METRNL: variants seen among roughly 807,000 people sequenced by gnomAD.
The protein encoded by METRNL is meteorin-like protein.
In METRNL, 9 loss-of-function variants were observed where a neutral mutation model predicts 17.4. The observed-to-expected ratio is 0.52, with a 90% CI of 0.31 to 0.90. The LOEUF (loss-of-function observed/expected upper bound fraction) is 0.90. Ranked by LOEUF, METRNL falls within the 40% of genes least tolerant of loss-of-function variation. The pLI, the probability that METRNL is intolerant of heterozygous loss-of-function variation, is 0.05. For synonymous variants in METRNL, 215 were observed against 199.3 expected, an observed-to-expected ratio of 1.08 and a Z score of -0.66; for missense variants, 408 against 430.7, an observed-to-expected ratio of 0.95 and a Z score of 0.47.
At chr17:83,086,773 G>A (rs980379753) in intron 2 of METRNL, among the ~76,000 whole-genome samples, 2 of 152,174 alleles carry the variant, frequency 1.3e-5, no homozygotes, top group African/African-American at 4.8e-5. Flanking sequence ...TCCCTGCCAC[G>A]CACACCTGGA....
chr17:83,088,011 C>T lies in METRNL; in HGVS notation c.556+2688C>T, dbSNP rs559566427. Reference sequence around the variant, plus strand: ...TCGTGGTGCGTTCATGCTGCATAATCGGCTTCCTTGAGTAAACTGAGACAC... The same window carrying T: ...TCGTGGTGCGTTCATGCTGCATAATTGGCTTCCTTGAGTAAACTGAGACAC... On this transcript the variant is annotated intron_variant, in intron 2 of 3. Transcript: ENST00000320095. 5.9e-5 allele frequency among the ~76,000 whole-genome samples: 9 copies of T among 152,324 alleles called. No individual in the cohort carries two copies. In the South Asian group the frequency reaches 1.7e-3, roughly 28 times the overall value.
chr17:83,086,982 T>C (rs1180753342), intron 2 of METRNL, among the ~76,000 whole-genome samples: 1 of 151,698 alleles, frequency 6.6e-6, no homozygotes, highest in Non-Finnish European at 1.5e-5. Context: ...GGGAGAGGCA[T>C]GGGATGGTAG....
chr17:83,081,060 C>T (rs2037980448), intron 1 of METRNL, among the ~76,000 whole-genome samples: 1 of 151,784 alleles, frequency 6.6e-6, no homozygotes, highest in Non-Finnish European at 1.5e-5. Context: ...GCGGAGCCTC[C>T]CCGGGGGAAG....
chr17:83,081,100 C>T (rs1165416568), intron 1 of METRNL, among the ~76,000 whole-genome samples: 6 of 151,784 alleles, frequency 4.0e-5, no homozygotes, highest in Non-Finnish European at 1.5e-5. Context: ...AGAGTCGCCC[C>T]GAGGGCCGTG....
chr17:83,083,055 A>G (rs1250863988), intron 1 of METRNL, among the ~76,000 whole-genome samples: 1 of 152,002 alleles, frequency 6.6e-6, no homozygotes, highest in Non-Finnish European at 1.5e-5. Flanking sequence ...TTCTGTGTCC[A>G]CCTTCATTTT....
chr17:83,079,851 G>C lies in METRNL; in HGVS notation c.36G>C (p.Ala12=). The part of the protein sequence containing the change: ...RGAARAAWGR[A]GQPWPRPPAP... ...CGGCGCGGGCGGCCTGGGGGCGCGC[G>C]GGGCAGCCGTGGCCGCGACCCCCCG... is the stretch of plus-strand genomic sequence containing the variant. The change falls in exon 1 of 4, where the codon GCG becomes GCC. Residue 12 remains alanine, a synonymous_variant. Coordinates refer to ENST00000320095, the MANE Select transcript of METRNL (RefSeq NM_001004431.3). 2.1e-6 allele frequency: 2 copies of C among 975,534 alleles called. No homozygotes were observed. Among genetic ancestry groups the C allele is most frequent in the Non-Finnish European group, 2.4e-6 (2 of 823,980 alleles). The allele number at this position is 975,534 out of a possible 1,614,324, so 60.4% of individuals were successfully genotyped here. A position where few individuals can be genotyped will look rare whatever the true frequency, so the allele number is the denominator to read the frequency against.
intron 2 of METRNL, among the ~76,000 whole-genome samples, chr17:83,087,599 G>T (rs1242598806): frequency 6.6e-6 from 1 of 152,240 alleles, no homozygotes; most frequent in Non-Finnish European, 1.5e-5. Flanking sequence ...CTGCAGGAAT[G>T]GGTACATAAT....
chr17:83,091,784 G>A (rs2038140254), intron 2 of METRNL, among the ~76,000 whole-genome samples: 1 of 152,218 alleles, frequency 6.6e-6, no homozygotes, highest in South Asian at 2.1e-4. Context: ...ACGTGAAATG[G>A]CACCGGCGAA....
In METRNL at chr17:83,085,330, G is replaced by A. The variant is rs752515718; in HGVS notation, c.556+7G>A. 2.6e-6 allele frequency: 4 copies of A among 1,515,916 alleles called. No homozygotes were observed. Among genetic ancestry groups the A allele is most frequent in the Non-Finnish European group, 2.6e-6 (3 of 1,132,610 alleles). 93.9% of individuals were successfully genotyped at this position (1,515,916 alleles called of 1,614,324 possible). ...GACCTGCACGAGCTGTCTGGTGAGT[G>A]TCCTGCCTGGGGCGGGGGCGGCGGG... On this transcript the variant is annotated splice_region_variant and intron_variant, in intron 2 of 3. Coordinates refer to ENST00000320095, the MANE Select transcript of METRNL (RefSeq NM_001004431.3).
At chr17:83,084,771 G>C (rs981543511) in intron 1 of METRNL, 167 bp from the exon 2 acceptor site, 2 of 767,566 alleles carry the variant, frequency 2.6e-6, no homozygotes, top group South Asian at 3.6e-5. Context: ...AGATGGCGCC[G>C]GCCTGCCTCA....
chr17:83,084,147 C>T (rs2038020963), intron 1 of METRNL: 1 of 152,190 alleles, frequency 6.6e-6, no homozygotes, highest in Non-Finnish European at 1.5e-5. Flanking sequence ...AAGTTCGCCT[C>T]GCTTTTGTGG....
At chr17:83,085,386 G>T (rs935783999) in intron 2 of METRNL, 63 bp downstream of exon 2, 7 of 1,498,158 alleles carry the variant, frequency 4.7e-6, no homozygotes, top group African/African-American at 1.4e-5. Context: ...TGATGTGGCA[G>T]GTGTCTCTGA....
At chr17:83,087,665 C>G (rs955752857) in intron 2 of METRNL, among the ~76,000 whole-genome samples, 1 of 152,176 alleles carries the variant, frequency 6.6e-6, no homozygotes, top group Non-Finnish European at 1.5e-5. Context: ...TGGGCCAGGC[C>G]GGCTCCCCAG....
chr17:83,081,897 C>T (rs1023825932), intron 1 of METRNL, among the ~76,000 whole-genome samples: 1 of 152,226 alleles, frequency 6.6e-6, no homozygotes, highest in Non-Finnish European at 1.5e-5. Flanking sequence ...GTGCGCTGGC[C>T]TGCCTGCTAC....
intron 2 of METRNL, among the ~76,000 whole-genome samples, chr17:83,092,952 T>C (rs1056342958): frequency 1.1e-4 from 17 of 152,236 alleles, no homozygotes; most frequent in South Asian, 2.1e-4. Flanking sequence ...GACCCCGTCG[T>C]GGTCGAGGTT....
intron 2 of METRNL, among the ~76,000 whole-genome samples, chr17:83,088,206 C>A (rs184244694): frequency 2.2e-3 from 334 of 152,354 alleles, no homozygotes; most frequent in African/African-American, 7.8e-3. Flanking sequence ...CGGACGCCTT[C>A]CTTGGATGCT....
At chr17:83,084,183 T>C (rs904141047) in intron 1 of METRNL, 4 of 152,246 alleles carry the variant, frequency 2.6e-5, no homozygotes, top group African/African-American at 9.6e-5. Context: ...TGATAGCTTA[T>C]ATTTACAAAT....
intron 1 of METRNL, chr17:83,081,986 C>G (rs2037994871): frequency 1.5e-6 from 1 of 685,304 alleles, no homozygotes; most frequent in Non-Finnish European, 1.8e-6. Context: ...TGGGTGGATT[C>G]TCATCCCCCG....
At chr17:83,085,369 G>C (rs1358962159) in intron 2 of METRNL, 46 bp downstream of exon 2, 1 of 1,507,038 alleles carries the variant, frequency 6.6e-7, no homozygotes, top group Non-Finnish European at 8.9e-7. Flanking sequence ...CGTCATCACG[G>C]GGCTGGTGAT....
Sources: gnomAD v4.1 joint callset for allele counts (sites outside exome capture counted in the v4.1 genomes callset) on GRCh38, gnomAD v4.1.1 for gene constraint, MANE v1.5 for transcripts, NCBI Gene and HGNC (gene_info 2026-07-23, HGNC 2026-07-21) for gene names.